Variants in COL5A2 observed in about 807,000 individuals in gnomAD.
COL5A2 encodes the protein collagen type V alpha 2 chain.
In COL5A2, 23 loss-of-function variants were observed where a neutral mutation model predicts 208.2. The ratio of observed to expected loss-of-function variants is 0.11; its 90% CI spans 0.08 to 0.16. The LOEUF (loss-of-function observed/expected upper bound fraction) is 0.16. Ranked by LOEUF, COL5A2 falls within the 10% of genes least tolerant of loss-of-function variation. The probability of loss-of-function intolerance (pLI) is 1.00; values close to 1 mark genes in which losing one functional copy is unlikely to be tolerated. For synonymous variants in COL5A2, 625 were observed against 628.5 expected (o/e 0.99, Z 0.08); for missense variants, 1,590 against 1,956.4 (o/e 0.81, Z 3.53).
At chr2:189,410,123 T>C in the COL5A2 span, among the ~76,000 whole-genome samples, 18 of 152,300 alleles carry the variant, frequency 1.2e-4, no homozygotes, top group Non-Finnish European at 2.5e-4. Context: ...CCACCAGTGA[T>C]ACTAAAAGCT....
At chr2:189,228,144 A>T (rs1265637067), upstream of COL5A2, among the ~76,000 whole-genome samples, 1 of 152,000 alleles carries the variant, frequency 6.6e-6, no homozygotes, top group East Asian at 1.9e-4. Flanking sequence ...ACATATTAAA[A>T]GTTATGGGAT....
the COL5A2 span, among the ~76,000 whole-genome samples, chr2:189,360,599 G>C: frequency 6.6e-6 from 1 of 152,090 alleles, no homozygotes. Context: ...AAAAATACTG[G>C]ATGTTATTTT....
the COL5A2 span, among the ~76,000 whole-genome samples, chr2:189,374,817 C>T: frequency 6.6e-6 from 1 of 152,050 alleles, no homozygotes; most frequent in East Asian, 1.9e-4. Flanking sequence ...GGATAGAAAT[C>T]ATCACTCTAT....
the COL5A2 span, among the ~76,000 whole-genome samples, chr2:189,292,750 C>T: frequency 1.2e-4 from 18 of 152,288 alleles, 1 homozygote; most frequent in South Asian, 3.1e-3. Context: ...CATCCTATTA[C>T]TGGGTATATA....
chr2:189,256,314 T>G, the COL5A2 span, among the ~76,000 whole-genome samples: 1 of 152,212 alleles, frequency 6.6e-6, no homozygotes, highest in Non-Finnish European at 1.5e-5. Context: ...TTCAAGTATC[T>G]TGGAGGACAC....
At chr2:189,432,659 A>G in the COL5A2 span, among the ~76,000 whole-genome samples, 1 of 152,248 alleles carries the variant, frequency 6.6e-6, no homozygotes, top group East Asian at 1.9e-4. Context: ...CACACAATAC[A>G]GGAGCACCCA....
intron 6 of COL5A2, among the ~76,000 whole-genome samples, chr2:189,094,342 T>C (rs886435996): frequency 1.3e-5 from 2 of 152,104 alleles, no homozygotes; most frequent in Non-Finnish European, 2.9e-5. Flanking sequence ...ATTAAAAGTA[T>C]CTATTTTTAT....
chr2:189,281,298 T>G, the COL5A2 span, among the ~76,000 whole-genome samples: 1 of 152,122 alleles, frequency 6.6e-6, no homozygotes, highest in East Asian at 1.9e-4. Flanking sequence ...TCAAAACAGT[T>G]CATCATAAGC....
chr2:189,409,066 T>C, the COL5A2 span, among the ~76,000 whole-genome samples: 2 of 152,180 alleles, frequency 1.3e-5, no homozygotes, highest in Non-Finnish European at 2.9e-5. Context: ...TTTAGAGATA[T>C]ACTTTCTTCT....
chr2:189,356,801 G>C, the COL5A2 span, among the ~76,000 whole-genome samples: 6 of 152,140 alleles, frequency 3.9e-5, no homozygotes. Flanking sequence ...TGATCCTTTG[G>C]AGGAGAAGAG....
At chr2:189,206,989 G>A (rs1200846492) in intron 1 of COL5A2, among the ~76,000 whole-genome samples, 1 of 152,124 alleles carries the variant, frequency 6.6e-6, no homozygotes, top group East Asian at 1.9e-4. Flanking sequence ...TCATTCTAAT[G>A]TACACTTTTA....
chr2:189,175,544 C>CT (rs35381713), intron 1 of COL5A2, among the ~76,000 whole-genome samples: 64,333 of 125,378 alleles, frequency 0.51, 16,855 homozygotes, highest in East Asian at 0.72. Flanking sequence ...AAAAAGAAAA[C>CT]TTTTTTTTTT....
chr2:189,086,621 A>G (rs1686668653), intron 9 of COL5A2, 105 bp downstream of exon 9: 2 of 872,220 alleles, frequency 2.3e-6, no homozygotes, highest in African/African-American at 3.4e-5. Flanking sequence ...TACAATATAA[A>G]ATTTTAAAAC....
the COL5A2 span, among the ~76,000 whole-genome samples, chr2:189,284,843 C>A: frequency 6.6e-6 from 1 of 152,022 alleles, no homozygotes; most frequent in African/African-American, 2.4e-5. Context: ...ATTGCTCTGA[C>A]CACTGTTGTT....
chr2:189,169,037 C>T (rs1688523352), intron 1 of COL5A2, among the ~76,000 whole-genome samples: 1 of 152,154 alleles, frequency 6.6e-6, no homozygotes, highest in South Asian at 2.1e-4. Context: ...AGACTTGCTA[C>T]AGAGTCTGGG....
chr2:189,125,929 A>T (rs1687599305), intron 1 of COL5A2, among the ~76,000 whole-genome samples: 1 of 152,076 alleles, frequency 6.6e-6, no homozygotes, highest in South Asian at 2.1e-4. Context: ...CAGGCTTTGG[A>T]TTCCTTTAAC....
the COL5A2 span, among the ~76,000 whole-genome samples, chr2:189,391,028 C>A: frequency 2.6e-5 from 4 of 152,110 alleles, no homozygotes; most frequent in East Asian, 5.8e-4. Context: ...AGTTCAAATG[C>A]GAGTTTATTA....
rs1440437645 is a variant in COL5A2, at chr2:189,110,506, T to C, written c.98-57A>G. 3 of 1,524,592 alleles carry C rather than the reference T, an allele frequency of 2.0e-6. No individual in the cohort carries two copies. The African/African-American group carries it at 4.1e-5, about 21-fold the overall frequency. 94.4% of individuals were successfully genotyped at this position (1,524,592 alleles called of 1,614,324 possible). A position where few individuals can be genotyped will look rare whatever the true frequency, so the allele number is the denominator to read the frequency against. On this transcript the variant is annotated intron_variant, in intron 1 of 53. Coordinates refer to ENST00000374866, the MANE Select transcript of COL5A2 (RefSeq NM_000393.5). ...ATCTGAAATTATAGAATTGAGAAAA[T>C]AAAAGGTGAGCCATCTTGTGGATTC...
the COL5A2 span, among the ~76,000 whole-genome samples, chr2:189,259,739 G>A: frequency 3.9e-5 from 6 of 152,180 alleles, no homozygotes; most frequent in South Asian, 2.1e-4. Flanking sequence ...AACGGACCAC[G>A]CAGAGTTCAG....
Sources: allele counts gnomAD v4.1 joint callset (sites outside exome capture counted in the v4.1 genomes callset), GRCh38; gene constraint gnomAD v4.1.1; transcripts MANE v1.5; gene names NCBI Gene and HGNC (gene_info 2026-07-23, HGNC 2026-07-21).